SLC13A4: variants seen among roughly 807,000 people sequenced by gnomAD.
The protein encoded by SLC13A4 is solute carrier family 13 member 4, also known as Na(+)/sulfate cotransporter SUT-1.
Under a neutral mutation model 72.7 loss-of-function variants are expected in SLC13A4, and 28 were observed. The observed-to-expected ratio is 0.39, with a 90% CI of 0.29 to 0.53. The LOEUF is 0.53. SLC13A4 is among the 20% of genes least tolerant of loss of function. The probability of loss-of-function intolerance (pLI) is 0.78; values close to 1 mark genes in which losing one functional copy is unlikely to be tolerated. For synonymous variants in SLC13A4, 312 were observed against 325.5 expected (o/e 0.96, Z 0.45); for missense variants, 653 against 788.0 (o/e 0.83, Z 2.05).
intron 2 of SLC13A4, among the ~76,000 whole-genome samples, chr7:135,716,399 G>C (rs1475568685): frequency 2.0e-5 from 3 of 152,140 alleles, no homozygotes; most frequent in Admixed American, 6.5e-5. Flanking sequence ...CTGCCTCCTG[G>C]GTTCAAGAGA....
chr7:135,716,876 C>T (rs576920463), intron 2 of SLC13A4, among the ~76,000 whole-genome samples: 1 of 152,166 alleles, frequency 6.6e-6, no homozygotes, highest in Non-Finnish European at 1.5e-5. Context: ...ATATGGTAAA[C>T]ACTTGGAATT....
Position 135,681,537 on chromosome 7 carries a change from G to A in SLC13A4, c.*26C>T, listed in dbSNP as rs1795501127. ...ACTGCTGGATACTGGCAGCTCCTGT[G>A]GTTGGGCCAGTTTGTACACTTGGCG... On this transcript the variant is annotated 3_prime_UTR_variant, in exon 16 of 16. Coordinates refer to ENST00000682651, the MANE Select transcript of SLC13A4 (RefSeq NM_001318192.2). 6.8e-6 allele frequency: 11 copies of A among 1,606,626 alleles called. No homozygotes were observed. Among genetic ancestry groups the A allele is most frequent in the African/African-American group, 1.3e-5 (1 of 74,968 alleles).
intron 2 of SLC13A4, 67 bp from the exon 3 acceptor site, chr7:135,708,317 G>GCCC: frequency 6.2e-7 from 1 of 1,601,030 alleles, no homozygotes; most frequent in South Asian, 1.1e-5. Flanking sequence ...CACCAGCTGG[G>GCCC]AGAATGGGCC....
intron 7 of SLC13A4, among the ~76,000 whole-genome samples, chr7:135,700,539 ATT>A (rs1168695737): frequency 9.2e-5 from 14 of 152,228 alleles, no homozygotes; most frequent in African/African-American, 3.4e-4. Context: ...AGATCCATTG[ATT>A]AACAGAGCTG....
At position 135,708,185 on chromosome 7, in the gene SLC13A4, G is replaced by T; in HGVS notation, c.294C>A (p.Ala98=). 1 of 1,614,182 alleles carries T rather than the reference G, an allele frequency of 6.2e-7. No individual in the cohort carries two copies. Among genetic ancestry groups the T allele is most frequent in the Admixed American group, 1.7e-5 (1 of 60,016 alleles). The change falls in exon 3 of 16, where the codon GCC becomes GCA. Residue 98 remains alanine, a synonymous_variant. Transcript: ENST00000682651. Reference sequence around the variant, plus strand: ...GCTTATGCAGGTTCCACTTCTCCACGGCAGCCGCCACGCAGATGACCCCCA... The same window carrying T: ...GCTTATGCAGGTTCCACTTCTCCACTGCAGCCGCCACGCAGATGACCCCCA... The part of the protein sequence containing the change: ...LLVGVICVAA[A]VEKWNLHKRI...
chr7:135,706,368 C>T, intron 3 of SLC13A4, 68 bp from the exon 4 acceptor site: 2 of 1,490,552 alleles, frequency 1.3e-6, no homozygotes, highest in Admixed American at 1.8e-5. Context: ...CACAGTGGGC[C>T]TCCTACCAAC....
chr7:135,702,500 C>A (rs770090999), intron 6 of SLC13A4: 39 of 239,558 alleles, frequency 1.6e-4, no homozygotes, highest in Non-Finnish European at 2.9e-4. Context: ...CTCAGCCTCC[C>A]AAGTAGTGGG....
chr7:135,695,741 T>G (rs1795888273), intron 8 of SLC13A4, among the ~76,000 whole-genome samples: 2 of 152,142 alleles, frequency 1.3e-5, no homozygotes, highest in Admixed American at 1.3e-4. Context: ...GTGTATATAC[T>G]TTGCACTCAA....
At chr7:135,719,781 A>ATGTGTGTGTGTGTGTG (rs968225969) in intron 2 of SLC13A4, among the ~76,000 whole-genome samples, 50 of 146,106 alleles carry the variant, frequency 3.4e-4, no homozygotes, top group African/African-American at 5.4e-4. Context: ...TCAATGCCAC[A>ATGTGTGTGTGTGTGTG]TGTGTGTGTG....
At chr7:135,711,949 G>C (rs896177033) in intron 2 of SLC13A4, among the ~76,000 whole-genome samples, 1 of 130,806 alleles carries the variant, frequency 7.6e-6, no homozygotes, top group African/African-American at 2.8e-5. Flanking sequence ...ACTACACCTG[G>C]CTAATGTTTT....
intron 7 of SLC13A4, among the ~76,000 whole-genome samples, chr7:135,699,798 G>T (rs543974940): frequency 2.6e-5 from 4 of 152,084 alleles, no homozygotes; most frequent in African/African-American, 9.7e-5. Context: ...TATGTAAAGC[G>T]CTTAGAACAC....
intron 2 of SLC13A4, 46 bp from the exon 3 acceptor site, chr7:135,708,296 C>T: frequency 6.2e-7 from 1 of 1,611,438 alleles, no homozygotes; most frequent in Middle Eastern, 1.7e-4. Context: ...GACCAAAGAC[C>T]CAGGGCCCAG....
chr7:135,681,368 G>T lies in SLC13A4; in HGVS notation c.*195C>A. The T allele has an allele frequency of 1.9e-6, 1 of 534,470 alleles. No individual in the cohort carries two copies. The highest frequency in any genetic ancestry group is 3.1e-6 in the Non-Finnish European group (1 of 318,844). The allele number at this position is 534,470 out of a possible 1,614,324, so 33.1% of individuals were successfully genotyped here. A position where few individuals can be genotyped will look rare whatever the true frequency, so the allele number is the denominator to read the frequency against. On this transcript the variant is annotated 3_prime_UTR_variant, in exon 16 of 16. Coordinates refer to ENST00000682651, the MANE Select transcript of SLC13A4 (RefSeq NM_001318192.2). ...AGGGCAGGAAGAAGACACTAACAGC[G>T]AAGCATGTGTTTGTGGTTGTTGGAG...
chr7:135,718,081 ACACACACGCGCGCGCG>A (rs1215430516), intron 2 of SLC13A4, among the ~76,000 whole-genome samples: 1 of 133,528 alleles, frequency 7.5e-6, no homozygotes, highest in Non-Finnish European at 1.6e-5. Flanking sequence ...ACACACACAC[ACACACACGCGCGCGCG>A]CGCACGCGTG....
intron 2 of SLC13A4, among the ~76,000 whole-genome samples, chr7:135,717,587 C>T (rs1796457697): frequency 1.3e-5 from 2 of 152,226 alleles, no homozygotes; most frequent in South Asian, 4.1e-4. Context: ...CATTTTGTAT[C>T]TCTTATCAGC....
chr7:135,699,932 A>C (rs1288719308), intron 7 of SLC13A4, among the ~76,000 whole-genome samples: 3 of 152,164 alleles, frequency 2.0e-5, no homozygotes, highest in Non-Finnish European at 2.9e-5. Flanking sequence ...TTGAATAACA[A>C]ACAGATGTTA....
chr7:135,722,806 C>G (rs1300421182), intron 1 of SLC13A4, among the ~76,000 whole-genome samples: 1 of 152,038 alleles, frequency 6.6e-6, no homozygotes, highest in Non-Finnish European at 1.5e-5. Context: ...CTCCCAAAGG[C>G]CCCTGTAAGA....
At position 135,689,497 on chromosome 7, in the gene SLC13A4, C is replaced by T. The variant is rs543800251; in HGVS notation, c.1446+1704G>A. ...ATGGGGCTTGGGTAATATAACTACT[C>T]TACTTGGCAGTAGACTGACCACCCC... On this transcript the variant is annotated intron_variant, in intron 13 of 15. Coordinates refer to ENST00000682651, the MANE Select transcript of SLC13A4 (RefSeq NM_001318192.2). Among the ~76,000 whole-genome samples the T allele has an allele frequency of 2.6e-5, 4 of 152,258 alleles. No individual in the cohort carries two copies. The East Asian group carries it at 7.7e-4, about 29-fold the overall frequency.
chr7:135,708,379 G>A (rs921183664), intron 2 of SLC13A4, 129 bp from the exon 3 acceptor site: 2 of 1,283,426 alleles, frequency 1.6e-6, no homozygotes, highest in Non-Finnish European at 2.2e-6. Flanking sequence ...GGGGAGGCAG[G>A]GGGGTGAGGA....
Sources: gnomAD v4.1 joint callset for allele counts (sites outside exome capture counted in the v4.1 genomes callset) on GRCh38, gnomAD v4.1.1 for gene constraint, MANE v1.5 for transcripts, NCBI Gene and HGNC (gene_info 2026-07-23, HGNC 2026-07-21) for gene names.